The following GRM3 variants were observed in gnomAD, a reference collection of about 807,000 sequenced individuals.
GRM3 encodes the protein metabotropic glutamate receptor 3.
In GRM3, 26 loss-of-function variants were observed where a neutral mutation model predicts 70.5. The observed-to-expected ratio is 0.37, with a 90% CI of 0.27 to 0.51. The LOEUF (loss-of-function observed/expected upper bound fraction) is 0.51. Ranked by LOEUF, GRM3 falls within the 20% of genes least tolerant of loss-of-function variation. GRM3 has a pLI of 0.93. For missense variants in GRM3, 859 were observed against 1,123.8 expected (o/e 0.76, Z 3.37); for synonymous variants, 443 against 434.9 (o/e 1.02, Z -0.23).
At chr7:86,655,861 G>GT (rs1562814718) in intron 1 of GRM3, among the ~76,000 whole-genome samples, 6 of 141,244 alleles carry the variant, frequency 4.2e-5, no homozygotes, top group African/African-American at 1.6e-4. Context: ...TGGGTGGGTG[G>GT]GTGTGTGTGT....
chr7:86,722,460 G>T (rs1459639253), intron 1 of GRM3, among the ~76,000 whole-genome samples: 3 of 152,106 alleles, frequency 2.0e-5, no homozygotes, highest in African/African-American at 7.2e-5. Flanking sequence ...CAGGGATGTG[G>T]ATGAAGCTGG....
chr7:86,859,614 T>C (rs1199470627), intron 5 of GRM3, among the ~76,000 whole-genome samples: 1 of 152,196 alleles, frequency 6.6e-6, no homozygotes, highest in African/African-American at 2.4e-5. Context: ...TGGAGCAAAC[T>C]GGAATGTCTG....
In GRM3 at chr7:86,810,245, G is replaced by A. The variant is rs144486130; in HGVS notation, c.1324+23129G>A. 9.9e-4 allele frequency among the ~76,000 whole-genome samples: 150 copies of A among 151,938 alleles called. 1 individual carries two copies. Among genetic ancestry groups the A allele is most frequent in the African/African-American group, 3.5e-3 (145 of 41,512 alleles). ...AAAGGTCAAGAAAATAGAAACTTTCGTTCAATATTGTCAAAGAAAGAAAAT... is the reference window on the plus strand; with the variant it reads ...AAAGGTCAAGAAAATAGAAACTTTCATTCAATATTGTCAAAGAAAGAAAAT... On this transcript the variant is annotated intron_variant, in intron 3 of 5. Transcript: ENST00000361669.
chr7:86,860,643 A>C (rs1798937194), intron 5 of GRM3, among the ~76,000 whole-genome samples: 1 of 152,200 alleles, frequency 6.6e-6, no homozygotes, highest in Admixed American at 6.5e-5. Flanking sequence ...GCTCCTTTGA[A>C]TGTCCCTATG....
At chr7:86,702,189 T>C (rs1361528144) in intron 1 of GRM3, among the ~76,000 whole-genome samples, 1 of 152,018 alleles carries the variant, frequency 6.6e-6, no homozygotes, top group Non-Finnish European at 1.5e-5. Flanking sequence ...TGTGAGGCCA[T>C]ACAACAGAAA....
chr7:86,691,358 T>C (rs1281873421), intron 1 of GRM3, among the ~76,000 whole-genome samples: 1 of 152,108 alleles, frequency 6.6e-6, no homozygotes, highest in Non-Finnish European at 1.5e-5. Flanking sequence ...GGCTTTTTTT[T>C]TAGCATGTCA....
intron 3 of GRM3, among the ~76,000 whole-genome samples, chr7:86,836,618 C>T (rs766860285): frequency 6.6e-6 from 1 of 152,146 alleles, no homozygotes; most frequent in African/African-American, 2.4e-5. Flanking sequence ...AATTGAATAA[C>T]ATCTCCCTCC....
At chr7:86,783,160 G>C (rs924124704) in intron 2 of GRM3, among the ~76,000 whole-genome samples, 3 of 152,124 alleles carry the variant, frequency 2.0e-5, no homozygotes, top group Non-Finnish European at 2.9e-5. Context: ...CCCAACCCTA[G>C]TTTTAAATTT....
At chr7:86,720,629 C>T (rs1321092780) in intron 1 of GRM3, among the ~76,000 whole-genome samples, 3 of 152,082 alleles carry the variant, frequency 2.0e-5, no homozygotes, top group Non-Finnish European at 4.4e-5. Flanking sequence ...ACCCTATACC[C>T]TTACTACTTA....
intron 3 of GRM3, among the ~76,000 whole-genome samples, chr7:86,787,694 A>G (rs1018964663): frequency 2.0e-5 from 3 of 152,196 alleles, no homozygotes; most frequent in Non-Finnish European, 4.4e-5. Context: ...TATATTATTA[A>G]TAGTTGGGGA....
At chr7:86,662,963 T>A (rs1463513177) in intron 1 of GRM3, among the ~76,000 whole-genome samples, 2 of 152,006 alleles carry the variant, frequency 1.3e-5, no homozygotes, top group African/African-American at 4.8e-5. Flanking sequence ...AGCAGCACAT[T>A]AAATTTAAAA....
intron 1 of GRM3, among the ~76,000 whole-genome samples, chr7:86,714,684 C>T (rs1207716464): frequency 6.6e-6 from 1 of 152,010 alleles, no homozygotes; most frequent in Non-Finnish European, 1.5e-5. Flanking sequence ...TTATTATCTA[C>T]ATAGCTAATC....
chr7:86,651,541 C>G (rs535509860), intron 1 of GRM3, among the ~76,000 whole-genome samples: 2 of 152,238 alleles, frequency 1.3e-5, no homozygotes, highest in South Asian at 4.1e-4. Flanking sequence ...AAAAGGATAT[C>G]TAGAGAGTAT....
chr7:86,658,701 A>T (rs1793812038), intron 1 of GRM3, among the ~76,000 whole-genome samples: 1 of 152,168 alleles, frequency 6.6e-6, no homozygotes, highest in East Asian at 1.9e-4. Flanking sequence ...GGTAAATTGA[A>T]CAGGGGTTAA....
intron 2 of GRM3, among the ~76,000 whole-genome samples, chr7:86,777,528 C>G (rs548937929): frequency 1.6e-4 from 24 of 152,182 alleles, no homozygotes; most frequent in African/African-American, 5.8e-4. Flanking sequence ...GAGTTGTTGA[C>G]CTCTTCATAT....
intron 1 of GRM3, among the ~76,000 whole-genome samples, chr7:86,690,945 C>G (rs1794682446): frequency 6.6e-6 from 1 of 152,066 alleles, no homozygotes; most frequent in Admixed American, 6.6e-5. Flanking sequence ...AAATAAACAT[C>G]TTTACCATAA....
intron 2 of GRM3, among the ~76,000 whole-genome samples, chr7:86,783,909 G>A (rs966350901): frequency 3.9e-5 from 6 of 152,254 alleles, no homozygotes; most frequent in South Asian, 2.1e-4. Context: ...CCAATTTCAC[G>A]TTTCAACTCA....
At chr7:86,811,876 T>G (rs1797915028) in intron 3 of GRM3, among the ~76,000 whole-genome samples, 1 of 151,520 alleles carries the variant, frequency 6.6e-6, no homozygotes, top group African/African-American at 2.4e-5. Context: ...ATTTGTTAAA[T>G]GAGAAAGCTA....
intron 1 of GRM3, among the ~76,000 whole-genome samples, chr7:86,717,688 G>A (rs561685369): frequency 6.6e-6 from 1 of 152,008 alleles, no homozygotes; most frequent in Admixed American, 6.6e-5. Context: ...CCACAGAAGT[G>A]GGAAATCCTC....
Sources: allele counts gnomAD v4.1 joint callset (sites outside exome capture counted in the v4.1 genomes callset), GRCh38; gene constraint gnomAD v4.1.1; transcripts MANE v1.5; gene names NCBI Gene and HGNC (gene_info 2026-07-23, HGNC 2026-07-21).